The following SLC1A3 variants were observed in gnomAD, a reference collection of about 807,000 sequenced individuals.
SLC1A3 encodes excitatory amino acid transporter 1.
A neutral mutation model predicts 48.1 loss-of-function variants in SLC1A3; 21 were observed. The observed-to-expected ratio is 0.44, with a 90% CI of 0.31 to 0.63. The LOEUF is 0.63. SLC1A3 is among the 20% of genes least tolerant of loss of function. SLC1A3 has a pLI of 0.08. For missense variants in SLC1A3, 546 were observed against 689.0 expected (o/e 0.79, Z 2.32); for synonymous variants, 239 against 251.4 (o/e 0.95, Z 0.47).
intron 3 of SLC1A3, among the ~76,000 whole-genome samples, chr5:36,640,820 T>C (rs1337065533): frequency 6.6e-6 from 1 of 150,418 alleles, no homozygotes; most frequent in Non-Finnish European, 1.5e-5. Context: ...ATACCCCTGG[T>C]CCCCCTCCTT....
intron 2 of SLC1A3, among the ~76,000 whole-genome samples, chr5:36,625,665 A>G (rs553145636): frequency 5.9e-5 from 9 of 152,220 alleles, no homozygotes; most frequent in East Asian, 1.9e-4. Context: ...GATAAAAATG[A>G]TTCAAAATGT....
chr5:36,636,663 A>G (rs559004185), intron 3 of SLC1A3, among the ~76,000 whole-genome samples: 1 of 144,562 alleles, frequency 6.9e-6, no homozygotes, highest in Non-Finnish European at 1.5e-5. Flanking sequence ...CATTAAATGC[A>G]GAAAGAACCA....
At chr5:36,616,374 T>C (rs915255205) in intron 2 of SLC1A3, among the ~76,000 whole-genome samples, 11 of 152,200 alleles carry the variant, frequency 7.2e-5, no homozygotes, top group African/African-American at 2.7e-4. Flanking sequence ...AGATATACCC[T>C]GGATAAGTTA....
At chr5:36,682,096 T>G (rs1220848435) in intron 8 of SLC1A3, among the ~76,000 whole-genome samples, 1 of 152,222 alleles carries the variant, frequency 6.6e-6, no homozygotes, top group Non-Finnish European at 1.5e-5. Context: ...ACCACAATAG[T>G]AAGAATCTTA....
At chr5:36,670,420 T>A (rs1399618432) in intron 3 of SLC1A3, among the ~76,000 whole-genome samples, 1 of 152,186 alleles carries the variant, frequency 6.6e-6, no homozygotes, top group Non-Finnish European at 1.5e-5. Flanking sequence ...TTTGAGAACC[T>A]TATAAGCCAA....
At chr5:36,659,142 GT>G (rs1445722087) in intron 3 of SLC1A3, among the ~76,000 whole-genome samples, 1 of 152,202 alleles carries the variant, frequency 6.6e-6, no homozygotes, top group Non-Finnish European at 1.5e-5. Flanking sequence ...CTCCAAGACA[GT>G]AGGCATAATG....
At chr5:36,599,527 T>TTTTTTTG (rs397997372) in intron 1 of SLC1A3, among the ~76,000 whole-genome samples, 1 of 145,516 alleles carries the variant, frequency 6.9e-6, no homozygotes, top group African/African-American at 2.6e-5. Flanking sequence ...TTTTTTTTTT[T>TTTTTTTG]GAGACGGAGT....
chr5:36,646,586 G>T (rs903299705), intron 3 of SLC1A3, among the ~76,000 whole-genome samples: 4 of 152,150 alleles, frequency 2.6e-5, no homozygotes, highest in Non-Finnish European at 5.9e-5. Context: ...CTCCATGAAG[G>T]CAGACAGTGC....
chr5:36,605,635 G>A (rs929296079), upstream of SLC1A3, among the ~76,000 whole-genome samples: 2 of 152,154 alleles, frequency 1.3e-5, no homozygotes, highest in Admixed American at 1.3e-4. Context: ...TGTGATTCTG[G>A]TATAAATTTT....
chr5:36,621,567 C>G (rs1318663263), intron 2 of SLC1A3, among the ~76,000 whole-genome samples: 1 of 152,180 alleles, frequency 6.6e-6, no homozygotes, highest in South Asian at 2.1e-4. Flanking sequence ...TAGAAGACTA[C>G]TGCAATAGTC....
intron 3 of SLC1A3, among the ~76,000 whole-genome samples, chr5:36,639,566 T>C (rs556231774): frequency 6.6e-6 from 1 of 152,352 alleles, no homozygotes; most frequent in South Asian, 2.1e-4. Flanking sequence ...TATTTCTGAA[T>C]GATTGATGAC....
chr5:36,601,081 A>T (rs2111630346), intron 1 of SLC1A3, among the ~76,000 whole-genome samples: 1 of 152,376 alleles, frequency 6.6e-6, no homozygotes, highest in East Asian at 1.9e-4. Flanking sequence ...TAGTTGCTAT[A>T]ATAGTCGTTT....
chr5:36,596,816 G>C lies in SLC1A3; in HGVS notation c.-96+138G>C, dbSNP rs1329495592. Among the ~76,000 whole-genome samples, 4 of 152,192 alleles carry C rather than the reference G, an allele frequency of 2.6e-5. No homozygotes were observed. In the East Asian group the frequency reaches 7.7e-4, roughly 29 times the overall value. On this transcript the variant is annotated intron_variant, in intron 1 of 9. Transcript: ENST00000680318. ...TTGTCTCTCTGCCTTGTGAATGTTA[G>C]CAATTGTGACGATTTGGTGAATCTA...
Position 36,676,880 on chromosome 5 carries a change from T to C in SLC1A3, c.568-12T>C. The C allele has an allele frequency of 6.2e-7, 1 of 1,606,826 alleles. No homozygotes were observed. The highest frequency in any genetic ancestry group is 8.5e-7 in the Non-Finnish European group (1 of 1,175,664). ...ATCACCTTTAATCCTCGTTGTGCTTTTTATTTTTAAGTTTAAAACCAACTA... is the reference window on the plus strand; with the variant it reads ...ATCACCTTTAATCCTCGTTGTGCTTCTTATTTTTAAGTTTAAAACCAACTA... On this transcript the variant is annotated splice_polypyrimidine_tract_variant and intron_variant, in intron 5 of 9. Transcript: ENST00000265113.
upstream of SLC1A3, among the ~76,000 whole-genome samples, chr5:36,603,911 G>C (rs1400188102): frequency 2.0e-5 from 3 of 152,096 alleles, no homozygotes; most frequent in Admixed American, 6.5e-5. Context: ...AATCCATTTT[G>C]TTGCTCAAAA....
chr5:36,627,672 G>A (rs533631110), intron 2 of SLC1A3, among the ~76,000 whole-genome samples: 4 of 152,300 alleles, frequency 2.6e-5, no homozygotes, highest in African/African-American at 4.8e-5. Context: ...TATGGGGACC[G>A]TATATGGAAA....
At chr5:36,638,422 C>T (rs1740479080) in intron 3 of SLC1A3, among the ~76,000 whole-genome samples, 1 of 152,190 alleles carries the variant, frequency 6.6e-6, no homozygotes, top group Non-Finnish European at 1.5e-5. Context: ...TTCCCTCTTC[C>T]CTAGCTCCAT....
chr5:36,656,066 A>G (rs950683880), intron 3 of SLC1A3, among the ~76,000 whole-genome samples: 13 of 152,304 alleles, frequency 8.5e-5, no homozygotes, highest in Middle Eastern at 3.4e-3. Context: ...TTCTACCTTA[A>G]AGTACTAAAA....
intron 2 of SLC1A3, among the ~76,000 whole-genome samples, chr5:36,615,386 T>C (rs1285390944): frequency 1.3e-5 from 2 of 152,214 alleles, no homozygotes; most frequent in Non-Finnish European, 2.9e-5. Flanking sequence ...TTGTTTTATT[T>C]TGTTTTGCTT....
Sources: allele counts gnomAD v4.1 joint callset (sites outside exome capture counted in the v4.1 genomes callset), GRCh38; gene constraint gnomAD v4.1.1; transcripts MANE v1.5; gene names NCBI Gene and HGNC (gene_info 2026-07-23, HGNC 2026-07-21).